The following ME2 variants were observed in gnomAD, a reference collection of about 807,000 sequenced individuals.
ME2 encodes the protein NAD-dependent malic enzyme, mitochondrial.
A neutral mutation model predicts 73.7 loss-of-function variants in ME2; 60 were observed. The ratio of observed to expected loss-of-function variants is 0.81; its 90% CI spans 0.66 to 1.01. ME2 has a LOEUF of 1.01. Among genes scored for constraint, ME2 ranks in the 50% least tolerant of loss-of-function variants. The pLI, the probability that ME2 is intolerant of heterozygous loss-of-function variation, is 0.00. For missense variants in ME2, 594 were observed against 705.5 expected (o/e 0.84, Z 1.79); for synonymous variants, 199 against 236.9 (o/e 0.84, Z 1.47).
At position 50,918,185 on chromosome 18, in the gene ME2, G is replaced by A; in HGVS notation, c.706G>A (p.Asp236Asn). 6.2e-7 allele frequency: 1 copy of A among 1,610,186 alleles called. No individual in the cohort carries two copies. The highest frequency in any genetic ancestry group is 8.5e-7 in the Non-Finnish European group (1 of 1,177,304). The change falls in exon 7 of 16, where the codon GAT becomes AAT. Residue 236 changes from aspartate to asparagine, a missense_variant. Physicochemically the swap from Asp to Asn is conservative, Grantham distance 23. Coordinates refer to ENST00000321341, the MANE Select transcript of ME2 (RefSeq NM_002396.5). Reference sequence around the variant, plus strand: ...CACACAACAGTATGATGACCTGATTGATGAGTTTATGAAAGCTATTACTGA... The same window carrying A: ...CACACAACAGTATGATGACCTGATTAATGAGTTTATGAAAGCTATTACTGA... Reference protein sequence around the residue: ...DRTQQYDDLIDEFMKAITDRY... With the variant: ...DRTQQYDDLINEFMKAITDRY...
chr18:50,912,786 T>G lies in ME2; in HGVS notation c.243-15T>G, dbSNP rs762001109. 3 of 1,548,140 alleles carry G rather than the reference T, an allele frequency of 1.9e-6. No homozygotes were observed. In the East Asian group the frequency reaches 6.9e-5, roughly 36 times the overall value. On this transcript the variant is annotated splice_polypyrimidine_tract_variant and intron_variant, in intron 3 of 15. Coordinates refer to ENST00000321341, the MANE Select transcript of ME2 (RefSeq NM_002396.5). ...GCAGGCTGACTTAGACATTATTTACTGTGCTTCATTTCAGATATATCTACA... is the reference window on the plus strand; with the variant it reads ...GCAGGCTGACTTAGACATTATTTACGGTGCTTCATTTCAGATATATCTACA...
At chr18:50,946,627 C>T (rs1918089805) in intron 15 of ME2, among the ~76,000 whole-genome samples, 1 of 152,188 alleles carries the variant, frequency 6.6e-6, no homozygotes, top group African/African-American at 2.4e-5. Context: ...ATTACTATGC[C>T]TCTTAATCCA....
intron 1 of ME2, among the ~76,000 whole-genome samples, chr18:50,882,826 A>G (rs1916356199): frequency 6.6e-6 from 1 of 152,144 alleles, no homozygotes; most frequent in South Asian, 2.1e-4. Context: ...GCACACACCT[A>G]TAATCCCAGC....
At position 50,908,203 on chromosome 18, in the gene ME2, G is replaced by A; in HGVS notation, c.242+7G>A. 1 of 1,576,842 alleles carries A rather than the reference G, an allele frequency of 6.3e-7. No individual in the cohort carries two copies. Among genetic ancestry groups the A allele is most frequent in the Non-Finnish European group, 8.6e-7 (1 of 1,165,606 alleles). ...TGACTAGCCCTTTGGAAAAGTAAGAGTTGCTTAGATGTTTCTTTTTTTATT... is the reference window on the plus strand; with the variant it reads ...TGACTAGCCCTTTGGAAAAGTAAGAATTGCTTAGATGTTTCTTTTTTTATT... On this transcript the variant is annotated splice_region_variant and intron_variant, in intron 3 of 15. Transcript: ENST00000321341.
At chr18:50,928,789 G>A (rs1285819248) in intron 12 of ME2, among the ~76,000 whole-genome samples, 1 of 151,916 alleles carries the variant, frequency 6.6e-6, no homozygotes, top group Non-Finnish European at 1.5e-5. Flanking sequence ...CATCCTTAAC[G>A]GTCCCTGAAC....
At chr18:50,892,040 C>T (rs768628367) in intron 1 of ME2, among the ~76,000 whole-genome samples, 4 of 151,380 alleles carry the variant, frequency 2.6e-5, no homozygotes, top group Admixed American at 6.6e-5. Context: ...ATGCTGGTCT[C>T]GAACTGCTGA....
intron 14 of ME2, chr18:50,939,855 C>T: frequency 2.0e-6 from 1 of 506,200 alleles, no homozygotes; most frequent in Non-Finnish European, 3.5e-6. Flanking sequence ...GTTTTAATAA[C>T]ACTTAGACTA....
intron 5 of ME2, chr18:50,917,121 A>C (rs188903103): frequency 7.7e-5 from 29 of 378,038 alleles, no homozygotes; most frequent in Admixed American, 3.0e-4. Flanking sequence ...TTCTATTCCT[A>C]AACCGAAGTC....
intron 1 of ME2, among the ~76,000 whole-genome samples, chr18:50,888,976 T>C (rs904635629): frequency 3.3e-5 from 5 of 152,214 alleles, no homozygotes; most frequent in African/African-American, 1.2e-4. Flanking sequence ...CAGTGTATTC[T>C]GGATATCCAT....
chr18:50,906,970 A>AT (rs1172174045), intron 2 of ME2, among the ~76,000 whole-genome samples: 1 of 152,178 alleles, frequency 6.6e-6, no homozygotes, highest in Non-Finnish European at 1.5e-5. Flanking sequence ...CCCCATGGTC[A>AT]TCTCATTCTT....
intron 3 of ME2, among the ~76,000 whole-genome samples, chr18:50,909,253 T>C (rs1409399089): frequency 1.3e-5 from 2 of 152,184 alleles, no homozygotes; most frequent in East Asian, 1.9e-4. Flanking sequence ...CTTGAGCCAC[T>C]GCACCAGGCA....
At chr18:50,930,447 A>T (rs1340767030) in intron 12 of ME2, among the ~76,000 whole-genome samples, 1 of 151,526 alleles carries the variant, frequency 6.6e-6, no homozygotes, top group East Asian at 1.9e-4. Context: ...AAAATACTCT[A>T]AAAAAAAATC....
At chr18:50,897,563 T>TA (rs1345156041) in intron 2 of ME2, among the ~76,000 whole-genome samples, 1 of 151,978 alleles carries the variant, frequency 6.6e-6, no homozygotes, top group East Asian at 1.9e-4. Context: ...TCGTCTCTAC[T>TA]AAAAATACAA....
intron 12 of ME2, among the ~76,000 whole-genome samples, chr18:50,929,647 A>G (rs1046564887): frequency 1.3e-5 from 2 of 152,148 alleles, no homozygotes; most frequent in African/African-American, 4.8e-5. Flanking sequence ...CTTCTTCTAA[A>G]TCAATCACAA....
In ME2 at chr18:50,921,084, G is replaced by A. The variant is rs1039974712; in HGVS notation, c.953G>A (p.Gly318Glu). ...TGTTTTGTTGAACAGGCTGCTCTTG[G>A]AATTGCAAATCTTATAGTTATGTCT... ...LFLGAGEAAL[G>E]IANLIVMSMV... The change falls in exon 10 of 16, where the codon GGA (glycine) becomes GAA (glutamate). Residue 318 changes from glycine (G) to glutamate (E), a missense_variant. Coordinates refer to ENST00000321341, the MANE Select transcript of ME2 (RefSeq NM_002396.5). 2 of 1,562,254 alleles carry A rather than the reference G, an allele frequency of 1.3e-6. No individual in the cohort carries two copies. The highest frequency in any genetic ancestry group is 1.2e-5 in the South Asian group (1 of 83,830).
chr18:50,895,280 A>G (rs1916710407), intron 1 of ME2, among the ~76,000 whole-genome samples: 1 of 152,166 alleles, frequency 6.6e-6, no homozygotes, highest in African/African-American at 2.4e-5. Flanking sequence ...TAGCCAATTT[A>G]TATGATTTGT....
At position 50,925,789 on chromosome 18, in the gene ME2, A is replaced by T; in HGVS notation, c.1205A>T (p.Asp402Val). 1 of 1,613,896 alleles carries T rather than the reference A, an allele frequency of 6.2e-7. No individual in the cohort carries two copies. The highest frequency in any genetic ancestry group is 8.5e-7 in the Non-Finnish European group (1 of 1,179,874). Residue 402 changes from aspartate (D) to valine (V), a missense_variant, in exon 12 of 16, where the codon GAT (aspartate) becomes GTT (valine). Physicochemically the swap from Asp to Val is radical, Grantham distance 152. Coordinates refer to ENST00000321341, the MANE Select transcript of ME2 (RefSeq NM_002396.5). Reference protein sequence around the residue: ...VAGAGRLFTPDVIRAMASINE... With the variant: ...VAGAGRLFTPVVIRAMASINE... The stretch of plus-strand genomic sequence containing the variant: ...GGTGCTGGCCGTCTTTTCACTCCTG[A>T]TGTAATCAGAGCCATGGCCTCTATC...
intron 4 of ME2, among the ~76,000 whole-genome samples, chr18:50,915,083 A>G (rs1219039048): frequency 6.7e-6 from 1 of 148,874 alleles, no homozygotes; most frequent in East Asian, 1.9e-4. Context: ...AGACAGGAAG[A>G]CCAACCCCTC....
At chr18:50,928,235 T>TTTGTCC in intron 12 of ME2, among the ~76,000 whole-genome samples, 1 of 151,882 alleles carries the variant, frequency 6.6e-6, no homozygotes, top group Non-Finnish European at 1.5e-5. Flanking sequence ...GTAAGGCTAA[T>TTTGTCC]TTGTCCTTTT....
Sources: allele counts gnomAD v4.1 joint callset (sites outside exome capture counted in the v4.1 genomes callset), GRCh38; gene constraint gnomAD v4.1.1; transcripts MANE v1.5; gene names NCBI Gene and HGNC (gene_info 2026-07-23, HGNC 2026-07-21).